Variants in RCAN3 observed in about 807,000 individuals in gnomAD.
The protein encoded by RCAN3 is calcipressin-3.
Under a neutral mutation model 21.9 loss-of-function variants are expected in RCAN3, and 19 were observed. The observed-to-expected ratio is 0.87, with a 90% CI of 0.61 to 1.27. The LOEUF is 1.27. RCAN3 is among the 50% of genes most tolerant of loss of function. RCAN3 has a pLI of 0.00. For synonymous variants in RCAN3, 114 were observed against 112.3 expected (o/e 1.01, Z -0.09); for missense variants, 240 against 300.1 (o/e 0.80, Z 1.48).
intron 2 of RCAN3, among the ~76,000 whole-genome samples, chr1:24,516,198 C>G (rs1648305911): frequency 6.6e-6 from 1 of 152,104 alleles, no homozygotes; most frequent in Non-Finnish European, 1.5e-5. Flanking sequence ...GGCGCAGTGG[C>G]TCTCGCCTGT....
chr1:24,513,861 A>G (rs1648084513), intron 1 of RCAN3, among the ~76,000 whole-genome samples: 1 of 152,238 alleles, frequency 6.6e-6, no homozygotes. Flanking sequence ...TCAGCTCATC[A>G]CAGACCATAT....
intron 2 of RCAN3, among the ~76,000 whole-genome samples, chr1:24,523,641 C>CACACAT (rs924247100): frequency 7.1e-6 from 1 of 141,540 alleles, no homozygotes; most frequent in Non-Finnish European, 1.5e-5. Flanking sequence ...CACACACACA[C>CACACAT]ATATATATTT....
intron 2 of RCAN3, among the ~76,000 whole-genome samples, chr1:24,523,487 G>A (rs1648983847): frequency 6.6e-6 from 1 of 151,368 alleles, no homozygotes; most frequent in Non-Finnish European, 1.5e-5. Flanking sequence ...GTAAACATTT[G>A]GAAATTGAAA....
At chr1:24,530,010 C>A (rs74910695) in intron 2 of RCAN3, among the ~76,000 whole-genome samples, 8,517 of 49,888 alleles carry the variant, frequency 0.17, 601 homozygotes, top group African/African-American at 0.37. Context: ...AAAAAAAAAA[C>A]AAAACAAAAT....
At chr1:24,531,670 G>T (rs112208325) in intron 3 of RCAN3, among the ~76,000 whole-genome samples, 2 of 152,148 alleles carry the variant, frequency 1.3e-5, no homozygotes, top group Non-Finnish European at 2.9e-5. Flanking sequence ...CGTGGGTTAC[G>T]CCCTGACACC....
intron 2 of RCAN3, among the ~76,000 whole-genome samples, chr1:24,529,883 C>A (rs988810889): frequency 4.0e-5 from 6 of 151,070 alleles, no homozygotes; most frequent in Middle Eastern, 3.4e-3. Context: ...TAAAACATAT[C>A]AAAACTGTTC....
chr1:24,532,579 G>A (rs957887064), intron 3 of RCAN3, among the ~76,000 whole-genome samples: 81 of 151,902 alleles, frequency 5.3e-4, no homozygotes, highest in African/African-American at 1.8e-3. Flanking sequence ...ACTGTGTGTG[G>A]CCATGTGCTG....
chr1:24,523,664 T>G (rs951389151), intron 2 of RCAN3, among the ~76,000 whole-genome samples: 1 of 149,108 alleles, frequency 6.7e-6, no homozygotes, highest in Non-Finnish European at 1.5e-5. Flanking sequence ...TTTCTTCAGA[T>G]GGAGTCTCAT....
At chr1:24,507,249 T>C (rs759078720) in intron 1 of RCAN3, among the ~76,000 whole-genome samples, 4 of 152,156 alleles carry the variant, frequency 2.6e-5, no homozygotes, top group African/African-American at 4.8e-5. Context: ...TGCATGCTGG[T>C]CCTACTGTCT....
intron 2 of RCAN3, among the ~76,000 whole-genome samples, chr1:24,526,102 AAGAG>A (rs1557574946): frequency 2.0e-5 from 3 of 152,082 alleles, no homozygotes; most frequent in Non-Finnish European, 4.4e-5. Context: ...AATTCTTTTT[AAGAG>A]AGAGAGACAG....
rs196411 is a variant in RCAN3, at chr1:24,525,410, A to G, written c.196-5808A>G. ...ATTTTGTGGAAAACCTACTTACATC[A>G]TAGGAAAAAGCCTCAGGCATTGGTT... is the stretch of plus-strand genomic sequence containing the variant. On this transcript the variant is annotated intron_variant, in intron 2 of 4. Coordinates refer to ENST00000374395, the MANE Select transcript of RCAN3 (RefSeq NM_013441.4). The surrounding 1 kb of genome is among the most constrained non-coding windows in gnomAD (Gnocchi z 4.1). 0.31 allele frequency among the ~76,000 whole-genome samples: 47,491 copies of G among 152,036 alleles called. 7,940 individuals carry two copies. The highest frequency in any genetic ancestry group is 0.66 in the East Asian group (3,433 of 5,168).
intron 2 of RCAN3, among the ~76,000 whole-genome samples, chr1:24,520,974 G>T (rs1648756591): frequency 6.6e-6 from 1 of 151,942 alleles, no homozygotes; most frequent in Admixed American, 6.6e-5. Context: ...AATTCATATA[G>T]AACCTCAAGG....
chr1:24,504,181 T>C (rs557316405), intron 1 of RCAN3, among the ~76,000 whole-genome samples: 3 of 152,098 alleles, frequency 2.0e-5, no homozygotes, highest in Non-Finnish European at 1.5e-5. Context: ...TTTTCTTTTC[T>C]CTTCTCTTCT....
At chr1:24,503,575 A>G (rs966801897) in intron 1 of RCAN3, among the ~76,000 whole-genome samples, 1 of 152,176 alleles carries the variant, frequency 6.6e-6, no homozygotes, top group Non-Finnish European at 1.5e-5. Flanking sequence ...GTGGATCACC[A>G]TCGCATTAGT....
chr1:24,529,998 C>CAA (rs201761424), intron 2 of RCAN3, among the ~76,000 whole-genome samples: 38 of 96,924 alleles, frequency 3.9e-4, no homozygotes, highest in Middle Eastern at 4.9e-3. Flanking sequence ...GACCCCATCT[C>CAA]AAAAAAAAAA....
chr1:24,524,822 T>C (rs1649121169), intron 2 of RCAN3, among the ~76,000 whole-genome samples: 1 of 138,250 alleles, frequency 7.2e-6, no homozygotes, highest in African/African-American at 2.9e-5. Flanking sequence ...TATTTTGTTT[T>C]CTTTTGTTTT....
At chr1:24,529,364 G>T (rs1323543094) in intron 2 of RCAN3, among the ~76,000 whole-genome samples, 1 of 151,164 alleles carries the variant, frequency 6.6e-6, no homozygotes, top group Admixed American at 6.6e-5. Flanking sequence ...ACCAGCCTGC[G>T]CAACATAGCG....
At chr1:24,526,258 A>T (rs1404727451) in intron 2 of RCAN3, among the ~76,000 whole-genome samples, 2 of 152,186 alleles carry the variant, frequency 1.3e-5, no homozygotes, top group East Asian at 3.9e-4. Flanking sequence ...TGCCTGGCTA[A>T]TTATTTAATT....
rs565248343 is a variant in RCAN3, at chr1:24,534,447, A to G, written c.542-646A>G. Reference sequence around the variant, plus strand: ...ATAAAACCCCGTCTCTACTAAAAATACAAAAACAAATTAGCCGGGCGTGAT... The same window carrying G: ...ATAAAACCCCGTCTCTACTAAAAATGCAAAAACAAATTAGCCGGGCGTGAT... On this transcript the variant is annotated intron_variant, in intron 4 of 4. Coordinates refer to ENST00000374395, the MANE Select transcript of RCAN3 (RefSeq NM_013441.4). Among the ~76,000 whole-genome samples the G allele has an allele frequency of 2.8e-3, 421 of 152,248 alleles. 2 individuals are homozygous for G. The highest frequency in any genetic ancestry group is 4.7e-3 in the Non-Finnish European group (320 of 68,010).
Sources: gnomAD v4.1 joint callset for allele counts (sites outside exome capture counted in the v4.1 genomes callset) on GRCh38, gnomAD v4.1.1 for gene constraint, Gnocchi (gnomAD v3.1) non-coding constraint, MANE v1.5 for transcripts, NCBI Gene and HGNC (gene_info 2026-07-23, HGNC 2026-07-21) for gene names.